Variants in F13A1 observed in about 807,000 individuals in gnomAD.
The protein encoded by F13A1 is FSF, A subunit.
Under a neutral mutation model 80.1 loss-of-function variants are expected in F13A1, and 47 were observed. The observed-to-expected ratio is 0.59, with a 90% confidence interval of 0.46 to 0.75. The LOEUF is 0.75. Among genes scored for constraint, F13A1 ranks in the 30% least tolerant of loss-of-function variants. The pLI is 0.00. For synonymous variants in F13A1, 349 were observed against 344.9 expected, an observed-to-expected ratio of 1.01 and a Z score of -0.13; for missense variants, 817 against 930.4, an observed-to-expected ratio of 0.88 and a Z score of 1.59.
At chr6:6,214,373 T>A (rs1434102729) in intron 8 of F13A1, among the ~76,000 whole-genome samples, 3 of 149,634 alleles carry the variant, frequency 2.0e-5, no homozygotes, top group African/African-American at 5.0e-5. Flanking sequence ...GGATTAAGAA[T>A]CTCACTCAAA....
intron 4 of F13A1, among the ~76,000 whole-genome samples, chr6:6,254,325 T>A (rs773263930): frequency 1.3e-5 from 2 of 152,160 alleles, no homozygotes; most frequent in African/African-American, 2.4e-5. Flanking sequence ...GTAACATTTG[T>A]ACAAAATGTA....
rs574735838 is a variant in F13A1 at position 6,317,970 on chromosome 6, C to A, written c.130+565G>T. The stretch of plus-strand genomic sequence containing the variant: ...CCGGAACAGGTTTCTAGGGATCAGG[C>A]AGAGGCAAGAGGCTGGGGAAGCAGC... On this transcript the variant is annotated intron_variant, in intron 2 of 14. Transcript: ENST00000264870. 2.0e-5 allele frequency among the ~76,000 whole-genome samples: 3 copies of A among 152,286 alleles called. No individual in the cohort carries two copies. The East Asian group carries it at 5.8e-4, about 29-fold the overall frequency.
Position 6,300,635 on chromosome 6 carries a change from C to T in F13A1, c.319+4716G>A, listed in dbSNP as rs147253188. 2.4e-3 allele frequency among the ~76,000 whole-genome samples: 365 copies of T among 152,148 alleles called. 3 individuals are homozygous for T. Among genetic ancestry groups the T allele is most frequent in the African/African-American group, 6.3e-3 (261 of 41,500 alleles). ...GTGCACGCACCCACTGACTTGTGCCCACTGTGCGGCACTCCCTAGTGAGAT... is the reference window on the plus strand; with the variant it reads ...GTGCACGCACCCACTGACTTGTGCCTACTGTGCGGCACTCCCTAGTGAGAT... On this transcript the variant is annotated intron_variant, in intron 3 of 14. Transcript: ENST00000264870.
At chr6:6,155,580 G>C (rs369063207) in intron 13 of F13A1, among the ~76,000 whole-genome samples, 16 of 151,856 alleles carry the variant, frequency 1.1e-4, no homozygotes, top group South Asian at 4.2e-4. Flanking sequence ...TCCTGTCCCT[G>C]ACTACTGATG....
intron 8 of F13A1, among the ~76,000 whole-genome samples, chr6:6,205,115 G>A (rs1028521169): frequency 3.3e-5 from 5 of 152,318 alleles, no homozygotes; most frequent in Admixed American, 2.0e-4. Context: ...TCAACTGACC[G>A]CCAAGAAAAA....
chr6:6,271,985 T>C (rs1239067665), intron 3 of F13A1, among the ~76,000 whole-genome samples: 2 of 152,256 alleles, frequency 1.3e-5, no homozygotes, highest in Non-Finnish European at 2.9e-5. Flanking sequence ...CTACCTAGGC[T>C]TGATTGAGCT....
At chr6:6,260,313 T>C (rs1264406735) in intron 4 of F13A1, among the ~76,000 whole-genome samples, 1 of 152,204 alleles carries the variant, frequency 6.6e-6, no homozygotes, top group African/African-American at 2.4e-5. Flanking sequence ...CATTCTCCTA[T>C]CAATAAGTGC....
At chr6:6,180,716 TA>T (rs1760965319) in intron 11 of F13A1, among the ~76,000 whole-genome samples, 1 of 152,192 alleles carries the variant, frequency 6.6e-6, no homozygotes, top group Admixed American at 6.5e-5. Flanking sequence ...ATGAAGCATT[TA>T]AAAAATACAG....
chr6:6,265,559 C>T (rs1342691391), intron 4 of F13A1, among the ~76,000 whole-genome samples: 1 of 152,180 alleles, frequency 6.6e-6, no homozygotes, highest in Admixed American at 6.5e-5. Flanking sequence ...AATCATTGAA[C>T]TTGACTGAGT....
Position 6,145,646 on chromosome 6 carries a change from C to T in F13A1, c.2172G>A (p.Val724=). 6.2e-7 allele frequency: 1 copy of T among 1,614,162 alleles called. No homozygotes were observed. Among genetic ancestry groups the T allele is most frequent in the Non-Finnish European group, 8.5e-7 (1 of 1,180,002 alleles). ...ACATGGAAGGTCGTCTTTGAATCTG[C>T]ACGTCCAGCTCGCCATACACATGTC... ...SLRHVYGELD[V]QIQRRPSM Residue 724 remains valine (V), a synonymous_variant, in exon 15 of 15, where the codon GTG becomes GTA. Transcript: ENST00000264870.
chr6:6,149,066 T>C (rs1760330135), intron 14 of F13A1, among the ~76,000 whole-genome samples: 1 of 150,916 alleles, frequency 6.6e-6, no homozygotes, highest in Non-Finnish European at 1.5e-5. Context: ...GAGGAGAACA[T>C]GAAGGGGAAG....
intron 3 of F13A1, among the ~76,000 whole-genome samples, chr6:6,294,541 C>CACACACAT (rs1278289306): frequency 6.7e-6 from 1 of 149,864 alleles, no homozygotes; most frequent in African/African-American, 2.5e-5. Context: ...CACACACACA[C>CACACACAT]ATATATATAT....
chr6:6,253,526 G>T (rs908151388), intron 4 of F13A1, among the ~76,000 whole-genome samples: 2 of 152,266 alleles, frequency 1.3e-5, no homozygotes, highest in South Asian at 4.1e-4. Context: ...GAGGGTCTCC[G>T]GAGCTCTCAG....
At chr6:6,297,142 G>T (rs1473091546) in intron 3 of F13A1, among the ~76,000 whole-genome samples, 1 of 149,550 alleles carries the variant, frequency 6.7e-6, no homozygotes, top group South Asian at 2.1e-4. Flanking sequence ...TGCTGGATTC[G>T]GTTTGCCAGT....
chr6:6,233,969 A>G (rs1355805640), intron 6 of F13A1, among the ~76,000 whole-genome samples: 2 of 152,170 alleles, frequency 1.3e-5, no homozygotes, highest in Non-Finnish European at 2.9e-5. Flanking sequence ...AAAGCCATCT[A>G]TGACAAACCC....
chr6:6,196,875 T>A, intron 9 of F13A1, among the ~76,000 whole-genome samples: 1 of 151,778 alleles, frequency 6.6e-6, no homozygotes, highest in Non-Finnish European at 1.5e-5. Flanking sequence ...CTGCCTTATA[T>A]CTTACCAGTG....
At chr6:6,288,103 A>C (rs1000889179) in intron 3 of F13A1, among the ~76,000 whole-genome samples, 23 of 152,218 alleles carry the variant, frequency 1.5e-4, no homozygotes, top group Non-Finnish European at 2.9e-5. Context: ...CAGCTAATTC[A>C]CATGTTTATT....
chr6:6,319,372 G>C (rs1283198684), intron 1 of F13A1, among the ~76,000 whole-genome samples: 1 of 152,208 alleles, frequency 6.6e-6, no homozygotes, highest in African/African-American at 2.4e-5. Flanking sequence ...AGGAGGATAA[G>C]GAGGTGGAGA....
chr6:6,273,614 T>A (rs1464114110), intron 3 of F13A1, among the ~76,000 whole-genome samples: 1 of 152,210 alleles, frequency 6.6e-6, no homozygotes, highest in African/African-American at 2.4e-5. Flanking sequence ...AAGGTAAATT[T>A]CATGATGTTA....
Sources: allele counts gnomAD v4.1 joint callset (sites outside exome capture counted in the v4.1 genomes callset), GRCh38; gene constraint gnomAD v4.1.1; transcripts MANE v1.5; gene names NCBI Gene and HGNC (gene_info 2026-07-23, HGNC 2026-07-21).